COPS5: variants seen among roughly 807,000 people sequenced by gnomAD.
COPS5 encodes the protein COP9 signalosome subunit 5.
COPS5 carries 8 observed loss-of-function variants against 44.4 expected under a neutral mutation model. The ratio of observed to expected loss-of-function variants is 0.18; its 90% confidence interval spans 0.11 to 0.32. COPS5 has a LOEUF of 0.32. Among genes scored for constraint, COPS5 ranks in the 10% least tolerant of loss-of-function variants. The probability of loss-of-function intolerance (pLI) is 1.00; values close to 1 mark genes in which losing one functional copy is unlikely to be tolerated. For synonymous variants in COPS5, 122 were observed against 142.8 expected (o/e 0.85, Z 1.04); for missense variants, 159 against 406.4 (o/e 0.39, Z 5.23).
chr8:67,061,767 T>G, intron 1 of COPS5, 87 bp downstream of exon 1: 1 of 1,373,546 alleles, frequency 7.3e-7, no homozygotes, highest in Non-Finnish European at 1.0e-6. Flanking sequence ...GTGAAAGCTC[T>G]TCACCCCTTT....
intron 5 of COPS5, among the ~76,000 whole-genome samples, chr8:67,054,191 A>C (rs1299318341): frequency 1.3e-5 from 2 of 152,096 alleles, no homozygotes; most frequent in Non-Finnish European, 2.9e-5. Flanking sequence ...TAAAAAAAAA[A>C]GTTATTTAAG....
In COPS5 at chr8:67,045,940, A is replaced by C. The variant is rs1465649492; in HGVS notation, c.792T>G (p.Gly264=). Residue 264 remains glycine, a synonymous_variant, in exon 7 of 8, where the codon GGT becomes GGG. Coordinates refer to ENST00000357849, the MANE Select transcript of COPS5 (RefSeq NM_006837.3). ...ACTTTTCAGACAAATCAAAGACCTG[A>C]CCAGTGGTATAGTCTGCATTCTGTG... is the stretch of plus-strand genomic sequence containing the variant. ...SLLTNADYTT[G]QVFDLSEKLE... is the part of the protein sequence containing the mutation. 6.2e-7 allele frequency: 1 copy of C among 1,614,172 alleles called. No individual in the cohort carries two copies. The highest frequency in any genetic ancestry group is 2.2e-5 in the East Asian group (1 of 44,880).
intron 5 of COPS5, among the ~76,000 whole-genome samples, chr8:67,052,578 C>T (rs971428784): frequency 3.3e-5 from 5 of 151,676 alleles, no homozygotes; most frequent in East Asian, 2.0e-4. Flanking sequence ...CCACCATGCC[C>T]AGCTAATTTT....
chr8:67,050,403 T>C (rs1804382703), intron 6 of COPS5, among the ~76,000 whole-genome samples: 1 of 151,688 alleles, frequency 6.6e-6, no homozygotes, highest in African/African-American at 2.4e-5. Context: ...CCTGAAGGAG[T>C]TTTCTACGCT....
intron 6 of COPS5, among the ~76,000 whole-genome samples, chr8:67,049,161 A>C (rs1407204579): frequency 1.3e-5 from 2 of 152,218 alleles, no homozygotes; most frequent in African/African-American, 4.8e-5. Flanking sequence ...GAATGTCAGC[A>C]TCTCTAAATA....
chr8:67,046,595 T>C (rs968076670), intron 6 of COPS5, among the ~76,000 whole-genome samples: 10 of 151,906 alleles, frequency 6.6e-5, no homozygotes, highest in African/African-American at 2.4e-4. Context: ...CTGAGGCAGT[T>C]GGATCACCTG....
At chr8:67,052,152 T>C (rs1020302418) in intron 5 of COPS5, among the ~76,000 whole-genome samples, 1 of 152,160 alleles carries the variant, frequency 6.6e-6, no homozygotes, top group African/African-American at 2.4e-5. Flanking sequence ...ATTCTTCATA[T>C]AGAGGAGCTC....
At chr8:67,049,202 C>T (rs544732222) in intron 6 of COPS5, among the ~76,000 whole-genome samples, 40 of 152,300 alleles carry the variant, frequency 2.6e-4, no homozygotes, top group South Asian at 1.0e-3. Context: ...TGGTGGCTCA[C>T]GGCCTGTAAT....
At chr8:67,061,795 G>A (rs1041083579) in intron 1 of COPS5, 59 bp downstream of exon 1, 30 of 1,560,022 alleles carry the variant, frequency 1.9e-5, no homozygotes, top group African/African-American at 2.7e-5. Context: ...CTCTCCCTCT[G>A]GGTCTCTTAA....
chr8:67,061,783 C>T (rs924739665), intron 1 of COPS5, 71 bp downstream of exon 1: 599 of 1,508,190 alleles, frequency 4.0e-4, no homozygotes, highest in Non-Finnish European at 4.9e-4. Context: ...CCTTTCACCT[C>T]CCTCTCCCTC....
At chr8:67,056,383 T>TG (rs1804501983) in intron 5 of COPS5, 136 bp downstream of exon 5, 5 of 308,522 alleles carry the variant, frequency 1.6e-5, no homozygotes, top group Non-Finnish European at 3.2e-5. Context: ...TTTGTAGAGA[T>TG]GGGGTCTCAC....
chr8:67,048,310 TAATAA>T (rs1816725281), intron 6 of COPS5, among the ~76,000 whole-genome samples: 2 of 147,056 alleles, frequency 1.4e-5, no homozygotes, highest in South Asian at 2.2e-4. Flanking sequence ...TAAAATAAAA[TAATAA>T]AATAAAATAT....
At chr8:67,053,249 C>T (rs1019726522) in intron 5 of COPS5, among the ~76,000 whole-genome samples, 1 of 151,744 alleles carries the variant, frequency 6.6e-6, no homozygotes, top group Non-Finnish European at 1.5e-5. Flanking sequence ...ACCACCATGC[C>T]CAGCTAATTT....
intron 6 of COPS5, among the ~76,000 whole-genome samples, chr8:67,048,545 T>C (rs1447517796): frequency 6.6e-6 from 1 of 150,722 alleles, no homozygotes; most frequent in Non-Finnish European, 1.5e-5. Flanking sequence ...TGAAACCCCA[T>C]CTCTACTAAA....
Position 67,056,541 on chromosome 8 carries a change from C to T in COPS5, c.637G>A (p.Asp213Asn). ...TACTGTTTGCAGTGTACACCAAAAT[C>T]TTCTATTTTATTAAGTGGAATAGTC... ...YQTIPLNKIE[D>N]FGVHCKQYYA... The change falls in exon 5 of 8, where the codon GAT becomes AAT. Residue 213 changes from aspartate to asparagine, a missense_variant. Physicochemically the swap from Asp to Asn is conservative, Grantham distance 23. Around this residue, in one of 2 missense-constraint regions of COPS5, gnomAD observed 134 missense variants for 376.7 expected, o/e 0.36. Coordinates refer to ENST00000357849, the MANE Select transcript of COPS5 (RefSeq NM_006837.3). 6.9e-7 allele frequency: 1 copy of T among 1,459,152 alleles called. No individual in the cohort carries two copies. Among genetic ancestry groups the T allele is most frequent in the Non-Finnish European group, 9.3e-7 (1 of 1,076,246 alleles). 90.4% of individuals were successfully genotyped at this position (1,459,152 alleles called of 1,614,324 possible).
chr8:67,051,362 AT>A, intron 5 of COPS5, 21 bp from the exon 6 acceptor site: 1 of 1,424,754 alleles, frequency 7.0e-7, no homozygotes, highest in East Asian at 2.3e-5. Context: ...AAAGCATAAA[AT>A]TTAGTAAGTA....
rs1170617431 is a variant in COPS5 at position 67,058,197 on chromosome 8, T to C, written c.393A>G (p.Glu131=). ...GGCTATGATACCACCCGATTGCATTTTCAAGGCGGCCAACCTAACAAATGA... is the reference window on the plus strand; with the variant it reads ...GGCTATGATACCACCCGATTGCATTCTCAAGGCGGCCAACCTAACAAATGA... ...IENAKQVGRL[E]NAIGWYHSHP... Residue 131 remains glutamate (E), a synonymous_variant, in exon 3 of 8, where the codon GAA becomes GAG. Coordinates refer to ENST00000357849, the MANE Select transcript of COPS5 (RefSeq NM_006837.3). 2 of 1,613,490 alleles carry C rather than the reference T, an allele frequency of 1.2e-6. No homozygotes were observed. Among genetic ancestry groups the C allele is most frequent in the Admixed American group, 3.3e-5 (2 of 59,976 alleles).
chr8:67,061,238 G>T (rs1172562957), intron 1 of COPS5: 1 of 294,694 alleles, frequency 3.4e-6, no homozygotes, highest in East Asian at 1.1e-4. Flanking sequence ...AACTGGTGGA[G>T]TAACATTTTA....
chr8:67,050,451 G>A (rs1243654955), intron 6 of COPS5, among the ~76,000 whole-genome samples: 4 of 152,166 alleles, frequency 2.6e-5, no homozygotes, highest in Non-Finnish European at 5.9e-5. Flanking sequence ...GGCGCAAGCC[G>A]CTCATCAAGC....
Sources: allele counts gnomAD v4.1 joint callset (sites outside exome capture counted in the v4.1 genomes callset), GRCh38; gene constraint gnomAD v4.1.1; regional missense constraint gnomAD v4.1.1; transcripts MANE v1.5; gene names NCBI Gene and HGNC (gene_info 2026-07-23, HGNC 2026-07-21).